NEK5: variants seen among roughly 807,000 people sequenced by gnomAD.
NEK5 encodes serine/threonine-protein kinase Nek5.
A neutral mutation model predicts 109.2 loss-of-function variants in NEK5; 88 were observed. The ratio of observed to expected loss-of-function variants is 0.81; its 90% CI spans 0.68 to 0.96. The LOEUF is 0.96. Among genes scored for constraint, NEK5 ranks in the 40% least tolerant of loss-of-function variants. NEK5 has a pLI of 0.00. For synonymous variants in NEK5, 283 were observed against 299.9 expected (o/e 0.94, Z 0.58); for missense variants, 834 against 920.7 (o/e 0.91, Z 1.22).
chr13:52,045,130 C>CTTTTTT (rs374051509), intron 23 of NEK5, among the ~76,000 whole-genome samples: 10 of 108,694 alleles, frequency 9.2e-5, no homozygotes, highest in Non-Finnish European at 1.4e-4. Context: ...AATAAAAAAT[C>CTTTTTT]TTTTTTTTTT....
intron 4 of NEK5, among the ~76,000 whole-genome samples, chr13:52,118,684 A>G (rs1199973485): frequency 2.0e-5 from 3 of 152,164 alleles, no homozygotes; most frequent in Non-Finnish European, 2.9e-5. Context: ...TTCCTTCCCT[A>G]AAGTTCTCCC....
chr13:52,119,393 G>C lies in NEK5; in HGVS notation c.140C>G (p.Ala47Gly), dbSNP rs1421922452. The change falls in exon 4 of 24, where the codon GCT becomes GGT. Residue 47 changes from alanine to glycine, a missense_variant. By Grantham distance (60) the Ala-to-Gly change is moderately conservative (BLOSUM62 0). This residue lies in a region of NEK5 where 777 missense variants were observed against 824.7 expected (regional missense o/e 0.94). Coordinates refer to ENST00000684899, the MANE Select transcript of NEK5 (RefSeq NM_001365552.1). ...CAGAAGAATCACTTCTTTCTTTGAA[G>C]CTTCTTTTTCTTGTATGGGCATCTA... Reference protein sequence around the residue: ...FEKMPIQEKEASKKEVILLEK... With the variant: ...FEKMPIQEKEGSKKEVILLEK... The C allele has an allele frequency of 1.9e-6, 3 of 1,595,334 alleles. No homozygotes were observed. Among genetic ancestry groups the C allele is most frequent in the African/African-American group, 2.7e-5 (2 of 74,652 alleles).
chr13:52,054,791 C>T (rs530872794), intron 22 of NEK5, among the ~76,000 whole-genome samples: 2,123 of 152,274 alleles, frequency 0.014, 18 homozygotes, highest in South Asian at 0.033. Flanking sequence ...CACCAAAAAC[C>T]CATCTGTACA....
At chr13:52,044,900 C>T (rs1023643880) in intron 23 of NEK5, among the ~76,000 whole-genome samples, 2 of 152,082 alleles carry the variant, frequency 1.3e-5, no homozygotes, top group African/African-American at 4.8e-5. Flanking sequence ...CCTTCTTTTC[C>T]TCCTTCCTTT....
In NEK5 at chr13:52,034,361, T is replaced by C. The variant is rs1194154759; in HGVS notation, c.*2587A>G. 6.6e-6 allele frequency: 1 copy of C among 152,218 alleles called. No homozygotes were observed. The highest frequency in any genetic ancestry group is 6.5e-5 in the Admixed American group (1 of 15,280). The allele number at this position is 152,218 out of a possible 1,614,324, so 9.4% of individuals were successfully genotyped here. A position where few individuals can be genotyped will look rare whatever the true frequency, so the allele number is the denominator to read the frequency against. ...AAATCAGCTGAAAGTGTTGCAGATA[T>C]GTATACTTATCACAGTGAATACTTC... On this transcript the variant is annotated 3_prime_UTR_variant, in exon 24 of 24. Transcript: ENST00000684899.
At chr13:52,112,870 ACT>A (rs1405352608) in intron 4 of NEK5, among the ~76,000 whole-genome samples, 3 of 152,080 alleles carry the variant, frequency 2.0e-5, no homozygotes, top group Admixed American at 6.6e-5. Context: ...ATTACAGGAC[ACT>A]CTCCATTGCT....
chr13:52,050,268 C>T, intron 22 of NEK5, 47 bp from the exon 23 acceptor site: 1 of 685,244 alleles, frequency 1.5e-6, no homozygotes, highest in Non-Finnish European at 1.8e-6. Context: ...AGCCTATATA[C>T]CCAATGAGGG....
At chr13:52,088,943 T>C (rs1433898946) in intron 14 of NEK5, among the ~76,000 whole-genome samples, 2 of 151,726 alleles carry the variant, frequency 1.3e-5, no homozygotes, top group African/African-American at 2.4e-5. Flanking sequence ...ATACAGAAGT[T>C]AGCTGGGCGT....
chr13:52,091,594 C>CA (rs1349891923), intron 13 of NEK5, among the ~76,000 whole-genome samples: 8 of 152,048 alleles, frequency 5.3e-5, no homozygotes, highest in Non-Finnish European at 7.4e-5. Context: ...TTTCATAATT[C>CA]ATCCAAAATT....
intron 23 of NEK5, among the ~76,000 whole-genome samples, chr13:52,040,815 G>A (rs723103): frequency 0.42 from 63,242 of 151,928 alleles, 15,058 homozygotes; most frequent in Non-Finnish European, 0.54. Context: ...GTTAATTTTA[G>A]TGTTAATTTC....
At chr13:52,115,386 C>A (rs1388134926) in intron 4 of NEK5, among the ~76,000 whole-genome samples, 1 of 151,090 alleles carries the variant, frequency 6.6e-6, no homozygotes, top group Non-Finnish European at 1.5e-5. Context: ...GAGTGGATCA[C>A]CTGAGGTCAG....
At chr13:52,044,858 A>G (rs1954442890) in intron 23 of NEK5, among the ~76,000 whole-genome samples, 1 of 152,204 alleles carries the variant, frequency 6.6e-6, no homozygotes. Flanking sequence ...TTTGGATTCC[A>G]AAATTCTGCT....
intron 22 of NEK5, among the ~76,000 whole-genome samples, chr13:52,052,309 T>G (rs1954512720): frequency 6.6e-6 from 1 of 152,170 alleles, no homozygotes; most frequent in Non-Finnish European, 1.5e-5. Context: ...TTGAGACCTA[T>G]CTCAGATATT....
At chr13:52,050,894 A>AT (rs1162474525) in intron 22 of NEK5, among the ~76,000 whole-genome samples, 4 of 150,940 alleles carry the variant, frequency 2.7e-5, no homozygotes, top group African/African-American at 9.7e-5. Context: ...TAATTTTTGT[A>AT]TTTTTAGTAG....
At chr13:52,057,176 G>A (rs928657670) in intron 22 of NEK5, among the ~76,000 whole-genome samples, 5 of 152,136 alleles carry the variant, frequency 3.3e-5, no homozygotes, top group African/African-American at 4.8e-5. Context: ...ACATCTCTAC[G>A]CAAATAAACT....
At chr13:52,056,147 C>T (rs557197360) in intron 22 of NEK5, among the ~76,000 whole-genome samples, 1 of 152,158 alleles carries the variant, frequency 6.6e-6, no homozygotes, top group East Asian at 1.9e-4. Context: ...GGTTGCAATC[C>T]TAGTCTCTGA....
intron 19 of NEK5, 141 bp downstream of exon 19, chr13:52,075,617 C>T: frequency 1.6e-6 from 1 of 619,930 alleles, no homozygotes; most frequent in Non-Finnish European, 2.9e-6. Context: ...GGTAACAAAC[C>T]TGCACATGTA....
chr13:52,071,845 A>G (rs981473744), intron 20 of NEK5, 99 bp downstream of exon 20: 2 of 1,044,024 alleles, frequency 1.9e-6, no homozygotes, highest in Non-Finnish European at 2.9e-6. Flanking sequence ...AAAGGGGTCA[A>G]GTAACAGTGG....
At chr13:52,057,753 C>A (rs1226231766) in intron 22 of NEK5, among the ~76,000 whole-genome samples, 1 of 151,890 alleles carries the variant, frequency 6.6e-6, no homozygotes, top group Admixed American at 6.6e-5. Context: ...ATTCAACAAC[C>A]CTTCATGCTA....
Sources: allele counts gnomAD v4.1 joint callset (sites outside exome capture counted in the v4.1 genomes callset), GRCh38; gene constraint gnomAD v4.1.1; regional missense constraint gnomAD v4.1.1; transcripts MANE v1.5; gene names NCBI Gene and HGNC (gene_info 2026-07-23, HGNC 2026-07-21).